CEP112: variants seen among roughly 807,000 people sequenced by gnomAD.
CEP112 encodes the protein centrosomal protein 112.
A neutral mutation model predicts 153.0 loss-of-function variants in CEP112; 127 were observed. That is an observed-to-expected ratio of 0.83 (90% CI 0.72 to 0.96). The LOEUF is 0.96. Among genes scored for constraint, CEP112 ranks in the 40% least tolerant of loss-of-function variants. The probability of loss-of-function intolerance (pLI) is 0.00; values close to 1 mark genes in which losing one functional copy is unlikely to be tolerated. For synonymous variants in CEP112, 358 were observed against 374.4 expected (o/e 0.96, Z 0.51); for missense variants, 1,089 against 1,101.2 (o/e 0.99, Z 0.16).
intron 22 of CEP112, among the ~76,000 whole-genome samples, chr17:65,748,910 T>C (rs1022836065): frequency 5.3e-5 from 8 of 152,230 alleles, no homozygotes; most frequent in Non-Finnish European, 1.0e-4. Flanking sequence ...TTAGCTATCT[T>C]ATATCTCACT....
At chr17:65,790,505 C>A (rs970008768) in intron 21 of CEP112, among the ~76,000 whole-genome samples, 2 of 152,188 alleles carry the variant, frequency 1.3e-5, no homozygotes, top group African/African-American at 4.8e-5. Context: ...TCAAAAACCA[C>A]CAGCTTGGGC....
chr17:65,861,781 A>C (rs955404940), intron 20 of CEP112, among the ~76,000 whole-genome samples: 36 of 152,226 alleles, frequency 2.4e-4, no homozygotes, highest in African/African-American at 8.7e-4. Context: ...GTACTCTTAC[A>C]CATTATTGAT....
chr17:65,756,810 A>C (rs1009809153), intron 21 of CEP112, among the ~76,000 whole-genome samples: 6 of 152,182 alleles, frequency 3.9e-5, no homozygotes, highest in Non-Finnish European at 5.9e-5. Flanking sequence ...CTAGCAGTAG[A>C]GAGGGAGGAA....
intron 21 of CEP112, among the ~76,000 whole-genome samples, chr17:65,789,806 C>G (rs189174382): frequency 3.9e-5 from 6 of 152,252 alleles, no homozygotes; most frequent in African/African-American, 1.4e-4. Flanking sequence ...ATTATCTATA[C>G]AACTAGACTG....
At chr17:65,774,274 C>T (rs950357334) in intron 21 of CEP112, among the ~76,000 whole-genome samples, 3 of 151,964 alleles carry the variant, frequency 2.0e-5, no homozygotes, top group Non-Finnish European at 2.9e-5. Flanking sequence ...GTTTTGTTCC[C>T]GAGAAAAGAC....
chr17:65,659,859 G>C (rs1178286552), intron 24 of CEP112, among the ~76,000 whole-genome samples: 2 of 152,190 alleles, frequency 1.3e-5, no homozygotes, highest in Non-Finnish European at 2.9e-5. Context: ...TGGGATAATG[G>C]AGGCCATCAC....
At chr17:66,015,826 T>A (rs1192840110) in intron 16 of CEP112, among the ~76,000 whole-genome samples, 4 of 152,232 alleles carry the variant, frequency 2.6e-5, no homozygotes, top group Non-Finnish European at 1.5e-5. Flanking sequence ...CTTTAGTTAT[T>A]TTTGTGTTAT....
intron 21 of CEP112, among the ~76,000 whole-genome samples, chr17:65,764,255 G>C (rs768653625): frequency 6.6e-6 from 1 of 152,192 alleles, no homozygotes; most frequent in East Asian, 1.9e-4. Context: ...TGGATACAAA[G>C]TTATATATAG....
chr17:65,957,894 T>A (rs2062054812), intron 18 of CEP112, among the ~76,000 whole-genome samples: 2 of 152,184 alleles, frequency 1.3e-5, no homozygotes, highest in Admixed American at 1.3e-4. Context: ...GTCTCACATA[T>A]TTATGACAAA....
At chr17:65,873,359 T>G (rs1467275155) in intron 20 of CEP112, 2 of 152,236 alleles carry the variant, frequency 1.3e-5, no homozygotes, top group Non-Finnish European at 2.9e-5. Flanking sequence ...TTATGTTCTT[T>G]TATCTCTTGC....
At chr17:65,955,985 C>T (rs1377563979) in intron 18 of CEP112, among the ~76,000 whole-genome samples, 3 of 152,034 alleles carry the variant, frequency 2.0e-5, no homozygotes, top group African/African-American at 4.8e-5. Context: ...TAAACTATAC[C>T]CTACAACAAA....
chr17:65,849,562 T>C (rs144464869), intron 21 of CEP112, among the ~76,000 whole-genome samples: 209 of 152,326 alleles, frequency 1.4e-3, no homozygotes, highest in African/African-American at 4.7e-3. Flanking sequence ...GAAGTTCATC[T>C]CCTATTAAAA....
At chr17:65,866,999 A>T (rs1258534334) in intron 20 of CEP112, among the ~76,000 whole-genome samples, 1 of 152,148 alleles carries the variant, frequency 6.6e-6, no homozygotes, top group African/African-American at 2.4e-5. Context: ...GAGAGAGGAG[A>T]GACGAGAGAA....
At position 65,914,363 on chromosome 17, in the gene CEP112, A is replaced by T. The variant is rs531988290; in HGVS notation, c.1981-12029T>A. 1.1e-4 allele frequency among the ~76,000 whole-genome samples: 17 copies of T among 151,906 alleles called. No homozygotes were observed. The South Asian group carries it at 3.3e-3, about 30-fold the overall frequency. ...GAAGGACAAATAGGTCAACCTGGTT[A>T]TAAACTCTTCCAATATATAGCACTG... On this transcript the variant is annotated intron_variant, in intron 19 of 26. Transcript: ENST00000535342.
chr17:66,014,460 T>C (rs984000993), intron 16 of CEP112, among the ~76,000 whole-genome samples: 1 of 152,162 alleles, frequency 6.6e-6, no homozygotes. Flanking sequence ...TAAAGTCTCC[T>C]AGAGGAACAT....
At chr17:66,187,229 C>T (rs2072972944) in intron 1 of CEP112, among the ~76,000 whole-genome samples, 1 of 147,822 alleles carries the variant, frequency 6.8e-6, no homozygotes, top group African/African-American at 2.4e-5. Context: ...CTCACCTGTT[C>T]CAGAATGAGT....
chr17:66,176,602 T>C (rs908709914), intron 3 of CEP112: 1 of 348,282 alleles, frequency 2.9e-6, no homozygotes, highest in Non-Finnish European at 5.1e-6. Flanking sequence ...TTTTTAGAAA[T>C]ACTGTTGAAT....
At chr17:65,965,403 T>A (rs2062372578) in intron 17 of CEP112, among the ~76,000 whole-genome samples, 1 of 152,120 alleles carries the variant, frequency 6.6e-6, no homozygotes, top group Non-Finnish European at 1.5e-5. Flanking sequence ...TGAACTAATC[T>A]AATAGTAACA....
chr17:65,674,496 A>G (rs1418061031), intron 24 of CEP112, among the ~76,000 whole-genome samples: 3 of 152,228 alleles, frequency 2.0e-5, no homozygotes, highest in Non-Finnish European at 4.4e-5. Flanking sequence ...TTTCACACAC[A>G]AAAAATCCAA....
Sources: allele counts gnomAD v4.1 joint callset (sites outside exome capture counted in the v4.1 genomes callset), GRCh38; gene constraint gnomAD v4.1.1; transcripts MANE v1.5; gene names NCBI Gene and HGNC (gene_info 2026-07-23, HGNC 2026-07-21).